ANKS1B: variants seen among roughly 807,000 people sequenced by gnomAD.
ANKS1B encodes the protein ankyrin repeat and sterile alpha motif domain-containing protein 1B.
ANKS1B carries 36 observed loss-of-function variants against 148.3 expected under a neutral mutation model. That is an observed-to-expected ratio of 0.24 (90% CI 0.19 to 0.32). The LOEUF is 0.32. ANKS1B is among the 10% of genes least tolerant of loss of function. ANKS1B has a pLI of 1.00. For missense variants in ANKS1B, 1,157 were observed against 1,542.6 expected, an observed-to-expected ratio of 0.75 and a Z score of 4.19; for synonymous variants, 542 against 560.8, an observed-to-expected ratio of 0.97 and a Z score of 0.47.
chr12:99,366,388 C>T (rs2092770196), intron 12 of ANKS1B, among the ~76,000 whole-genome samples: 1 of 152,146 alleles, frequency 6.6e-6, no homozygotes, highest in Non-Finnish European at 1.5e-5. Flanking sequence ...CACCTCGCTG[C>T]CCCCAGTATG....
At chr12:98,847,149 C>G (rs1398787458) in intron 17 of ANKS1B, among the ~76,000 whole-genome samples, 1 of 152,212 alleles carries the variant, frequency 6.6e-6, no homozygotes, top group African/African-American at 2.4e-5. Context: ...ATCTCCTCTT[C>G]TGGCAAATTT....
chr12:99,414,930 T>C lies in ANKS1B; in HGVS notation c.1576-15119A>G, dbSNP rs2094846641. On this transcript the variant is annotated intron_variant, in intron 11 of 26. Transcript: ENST00000683438. ...ACATAAGCATGAGTGTGGAGTTTGT[T>C]AGATGGAAAATTTGTAATATATGTT... is the stretch of plus-strand genomic sequence containing the variant. Among the ~76,000 whole-genome samples, 4 of 152,348 alleles carry C rather than the reference T, an allele frequency of 2.6e-5. 1 individual carries two copies. The highest frequency in any genetic ancestry group is 9.6e-5 in the African/African-American group (4 of 41,592).
In ANKS1B at chr12:99,083,070, T is replaced by G. The variant is rs2050385163; in HGVS notation, c.2625+1855A>C. On this transcript the variant is annotated intron_variant, in intron 16 of 26. Transcript: ENST00000683438. ...GGATGTTTTATTCTTTTCCATTTAG[T>G]GTAGAAAATTATGTGATTAAACTCC... is the stretch of plus-strand genomic sequence containing the variant. Among the ~76,000 whole-genome samples, 6 of 152,198 alleles carry G rather than the reference T, an allele frequency of 3.9e-5. No homozygotes were observed. In the South Asian group the frequency reaches 1.0e-3, roughly 26 times the overall value.
intron 9 of ANKS1B, among the ~76,000 whole-genome samples, chr12:99,514,098 T>G (rs548205529): frequency 6.6e-6 from 1 of 152,158 alleles, no homozygotes; most frequent in South Asian, 2.1e-4. Context: ...CAAAGTTCCT[T>G]GAGTAATAAG....
chr12:99,087,215 T>C (rs1295197373), intron 15 of ANKS1B, among the ~76,000 whole-genome samples: 1 of 152,234 alleles, frequency 6.6e-6, no homozygotes, highest in African/African-American at 2.4e-5. Flanking sequence ...AGGGACAGAA[T>C]AGATGCATGT....
intron 26 of ANKS1B, among the ~76,000 whole-genome samples, chr12:98,748,713 G>T (rs887562136): frequency 1.3e-5 from 2 of 152,192 alleles, no homozygotes. Flanking sequence ...TGATCTTGAA[G>T]CACATAAATA....
intron 9 of ANKS1B, among the ~76,000 whole-genome samples, chr12:99,505,347 T>C (rs1028859460): frequency 6.6e-6 from 1 of 151,984 alleles, no homozygotes; most frequent in Non-Finnish European, 1.5e-5. Context: ...GTTTGAGCCA[T>C]TGCTAATTGG....
intron 8 of ANKS1B, among the ~76,000 whole-genome samples, chr12:99,695,909 A>T (rs752248538): frequency 6.6e-6 from 1 of 152,140 alleles, no homozygotes; most frequent in Non-Finnish European, 1.5e-5. Flanking sequence ...TTTTTAAAAG[A>T]TGGTAACAAT....
chr12:99,549,362 C>A (rs2097198367), intron 9 of ANKS1B, among the ~76,000 whole-genome samples: 1 of 152,062 alleles, frequency 6.6e-6, no homozygotes, highest in Admixed American at 6.6e-5. Flanking sequence ...AAGATCAGTC[C>A]CTGCCAAAAT....
At chr12:99,526,421 AATT>A (rs917588284) in intron 9 of ANKS1B, among the ~76,000 whole-genome samples, 1 of 152,182 alleles carries the variant, frequency 6.6e-6, no homozygotes, top group African/African-American at 2.4e-5. Context: ...GGCATTGCAT[AATT>A]ATTACTCTAT....
At chr12:99,627,602 T>C (rs1436143554) in intron 9 of ANKS1B, among the ~76,000 whole-genome samples, 1 of 152,144 alleles carries the variant, frequency 6.6e-6, no homozygotes, top group African/African-American at 2.4e-5. Flanking sequence ...CATATCTCCC[T>C]ACAATGACAC....
chr12:99,526,674 T>C (rs1302644457), intron 9 of ANKS1B, among the ~76,000 whole-genome samples: 5 of 152,262 alleles, frequency 3.3e-5, no homozygotes, highest in South Asian at 2.1e-4. Flanking sequence ...CACTTCAAAA[T>C]TGGAGGTACC....
At chr12:99,642,480 T>C (rs554790316) in intron 9 of ANKS1B, among the ~76,000 whole-genome samples, 1 of 152,290 alleles carries the variant, frequency 6.6e-6, no homozygotes, top group Non-Finnish European at 1.5e-5. Context: ...TTCACAGGGC[T>C]AAAATTAAGG....
At chr12:99,351,134 T>C (rs750712273) in intron 12 of ANKS1B, among the ~76,000 whole-genome samples, 7 of 152,098 alleles carry the variant, frequency 4.6e-5, no homozygotes, top group Non-Finnish European at 1.0e-4. Context: ...AGTCTGCTGA[T>C]GGGCAGCCAG....
chr12:98,824,225 C>A (rs186458596), intron 19 of ANKS1B, among the ~76,000 whole-genome samples: 1 of 152,258 alleles, frequency 6.6e-6, no homozygotes, highest in African/African-American at 2.4e-5. Flanking sequence ...ATCATTCTAC[C>A]CAGATCCCTC....
chr12:99,804,139 G>C (rs1311271734), intron 4 of ANKS1B, among the ~76,000 whole-genome samples: 1 of 152,196 alleles, frequency 6.6e-6, no homozygotes, highest in Non-Finnish European at 1.5e-5. Context: ...ACTGACCTCA[G>C]TCAGAGGGGA....
At chr12:99,344,545 T>C (rs1355140537) in intron 12 of ANKS1B, among the ~76,000 whole-genome samples, 4 of 152,068 alleles carry the variant, frequency 2.6e-5, no homozygotes, top group Non-Finnish European at 5.9e-5. Flanking sequence ...GAAGAACGAA[T>C]TTGTGGTTTT....
At chr12:99,934,869 C>T (rs2094718893) in intron 1 of ANKS1B, among the ~76,000 whole-genome samples, 1 of 152,018 alleles carries the variant, frequency 6.6e-6, no homozygotes, top group Non-Finnish European at 1.5e-5. Context: ...TACATAAATG[C>T]TTGTCTAAGT....
chr12:98,901,120 G>A lies in ANKS1B; in HGVS notation c.2779-68984C>T, dbSNP rs563496737. On this transcript the variant is annotated intron_variant, in intron 17 of 26. Transcript: ENST00000683438. ...TTTATGTGAACCTCTATTTTTGCTCGGCTCTTGTCCTCAAATAGGCATTAG... is the reference window on the plus strand; with the variant it reads ...TTTATGTGAACCTCTATTTTTGCTCAGCTCTTGTCCTCAAATAGGCATTAG... Among the ~76,000 whole-genome samples the A allele has an allele frequency of 1.2e-4, 19 of 152,156 alleles. 1 individual carries two copies. Among genetic ancestry groups the A allele is most frequent in the African/African-American group, 2.2e-4 (9 of 41,532 alleles).
Sources: allele counts gnomAD v4.1 joint callset (sites outside exome capture counted in the v4.1 genomes callset), GRCh38; gene constraint gnomAD v4.1.1; transcripts MANE v1.5; gene names NCBI Gene and HGNC (gene_info 2026-07-23, HGNC 2026-07-21).